Variants in SLC24A2 observed in about 807,000 individuals in gnomAD.
SLC24A2 encodes solute carrier family 24 member 2.
Under a neutral mutation model 62.0 loss-of-function variants are expected in SLC24A2, and 36 were observed. That is an observed-to-expected ratio of 0.58 (90% CI 0.44 to 0.77). The LOEUF (loss-of-function observed/expected upper bound fraction) is 0.77, where lower values mean the gene tolerates loss of function less well. Ranked by LOEUF, SLC24A2 falls within the 30% of genes least tolerant of loss-of-function variation. The pLI, the probability that SLC24A2 is intolerant of heterozygous loss-of-function variation, is 0.00. For missense variants in SLC24A2, 846 were observed against 817.9 expected (o/e 1.03, Z -0.42); for synonymous variants, 358 against 294.0 (o/e 1.22, Z -2.23).
At chr9:19,796,278 A>G in the SLC24A2 span, among the ~76,000 whole-genome samples, 1 of 152,214 alleles carries the variant, frequency 6.6e-6, no homozygotes, top group South Asian at 2.1e-4. Context: ...TAAAAAAAAA[A>G]AATCAGTTGA....
chr9:19,765,290 G>A lies in SLC24A2; in HGVS notation c.930+20647C>T, dbSNP rs533308452. 4.0e-4 allele frequency among the ~76,000 whole-genome samples: 61 copies of A among 151,368 alleles called. No individual in the cohort carries two copies. In the South Asian group the frequency reaches 5.8e-3, roughly 14 times the overall value. On this transcript the variant is annotated intron_variant, in intron 2 of 10. Transcript: ENST00000341998. ...GCCTTTTAATTGGGGAATTTAGCCC[G>A]TTTACATTTAAGGTTAATATTGTTA...
At chr9:20,098,403 A>C in the SLC24A2 span, among the ~76,000 whole-genome samples, 1,926 of 152,316 alleles carry the variant, frequency 0.013, 33 homozygotes, top group African/African-American at 0.044. Context: ...ATTTCAAAGA[A>C]ATAGAATCAA....
intron 2 of SLC24A2, among the ~76,000 whole-genome samples, chr9:19,685,193 C>T (rs112870301): frequency 0.028 from 4,195 of 152,118 alleles, 113 homozygotes; most frequent in East Asian, 0.091. Context: ...CCTAGGAACA[C>T]AGCTAACCAG....
At chr9:19,780,170 G>C (rs1047218879) in intron 2 of SLC24A2, among the ~76,000 whole-genome samples, 1 of 152,190 alleles carries the variant, frequency 6.6e-6, no homozygotes, top group South Asian at 2.1e-4. Context: ...TGGTGACTGA[G>C]TAATTTTCTA....
chr9:20,267,562 AG>A, the SLC24A2 span, among the ~76,000 whole-genome samples: 1 of 152,194 alleles, frequency 6.6e-6, no homozygotes, highest in Non-Finnish European at 1.5e-5. Flanking sequence ...ATAGGCGCTC[AG>A]GGAAGACTCT....
At chr9:19,851,019 A>T in the SLC24A2 span, among the ~76,000 whole-genome samples, 23 of 61,566 alleles carry the variant, frequency 3.7e-4, no homozygotes, top group Non-Finnish European at 5.9e-4. Flanking sequence ...ATATATATAT[A>T]TATACATATT....
At position 19,786,535 on chromosome 9, in the gene SLC24A2, T is replaced by C. The variant is rs763092561; in HGVS notation, c.332A>G (p.Asn111Ser). 3.7e-6 allele frequency: 6 copies of C among 1,614,218 alleles called. No homozygotes were observed. In the South Asian group the frequency reaches 4.4e-5, roughly 12 times the overall value. The change falls in exon 2 of 11, where the codon AAT becomes AGT. Residue 111 changes from asparagine to serine, a missense_variant. Physicochemically the swap from Asn to Ser is conservative, Grantham distance 46. Transcript: ENST00000341998. This position sits in a 1 kb window ranked among gnomAD's most constrained non-coding sequence, Gnocchi z 5.0. The stretch of plus-strand genomic sequence containing the variant: ...GTCTCCTTGGGCGTGATCTGTACTA[T>C]TCTCAGACTCGCCTTCCTTAGAAAG... ...PPLSKEGESE[N>S]STDHAQGDYP...
the SLC24A2 span, among the ~76,000 whole-genome samples, chr9:20,073,944 A>G: frequency 6.8e-6 from 1 of 146,578 alleles, no homozygotes; most frequent in South Asian, 2.2e-4. Flanking sequence ...ATATATATGT[A>G]TGTATATATA....
At chr9:19,591,788 C>A (rs915176998) in intron 5 of SLC24A2, among the ~76,000 whole-genome samples, 1 of 152,306 alleles carries the variant, frequency 6.6e-6, no homozygotes, top group African/African-American at 2.4e-5. Context: ...CGAATTCTTA[C>A]ACTTGAGAGA....
At chr9:20,085,189 T>G in the SLC24A2 span, among the ~76,000 whole-genome samples, 38,986 of 151,982 alleles carry the variant, frequency 0.26, 6,298 homozygotes, top group East Asian at 0.73. Flanking sequence ...TGTAGACACA[T>G]TATCTCCCTA....
the SLC24A2 span, among the ~76,000 whole-genome samples, chr9:20,107,624 G>C: frequency 6.6e-6 from 1 of 152,098 alleles, no homozygotes; most frequent in African/African-American, 2.4e-5. Flanking sequence ...AATGGTGCTG[G>C]GAAAACTGGC....
At chr9:19,662,160 A>G (rs1261267313) in intron 2 of SLC24A2, among the ~76,000 whole-genome samples, 1 of 152,256 alleles carries the variant, frequency 6.6e-6, no homozygotes, top group Non-Finnish European at 1.5e-5. Flanking sequence ...AAGTAACAAG[A>G]AACAGGTAAA....
the SLC24A2 span, among the ~76,000 whole-genome samples, chr9:19,891,668 A>G: frequency 6.6e-6 from 1 of 152,118 alleles, no homozygotes; most frequent in African/African-American, 2.4e-5. Context: ...ATCGCTTGAG[A>G]CCAAGAGTCC....
At chr9:19,763,998 T>C (rs1344693230) in intron 2 of SLC24A2, among the ~76,000 whole-genome samples, 6 of 152,222 alleles carry the variant, frequency 3.9e-5, no homozygotes, top group African/African-American at 1.2e-4. Flanking sequence ...GAACTTGTTA[T>C]TGGTCTACTC....
At chr9:19,647,985 G>A (rs553834657) in intron 2 of SLC24A2, among the ~76,000 whole-genome samples, 2 of 152,156 alleles carry the variant, frequency 1.3e-5, no homozygotes, top group African/African-American at 4.8e-5. Context: ...AACATGTATG[G>A]AAGGCAAGAA....
the SLC24A2 span, among the ~76,000 whole-genome samples, chr9:19,982,955 CCAACATTCTTTCATG>C: frequency 6.6e-6 from 1 of 152,178 alleles, no homozygotes; most frequent in Non-Finnish European, 1.5e-5. Flanking sequence ...TTGACAAAAT[CCAACATTCTTTCATG>C]AAAAAACACT....
At chr9:19,741,296 G>C (rs1444892664) in intron 2 of SLC24A2, among the ~76,000 whole-genome samples, 2 of 152,214 alleles carry the variant, frequency 1.3e-5, no homozygotes, top group Admixed American at 6.5e-5. Flanking sequence ...AGGGGAGCTA[G>C]AGGGAAGTGG....
chr9:19,654,382 C>A (rs1437204811), intron 2 of SLC24A2, among the ~76,000 whole-genome samples: 1 of 152,120 alleles, frequency 6.6e-6, no homozygotes, highest in Non-Finnish European at 1.5e-5. Context: ...GTTCCTAAAC[C>A]ACAGCCTTTT....
At chr9:19,707,466 G>C (rs1820567404) in intron 2 of SLC24A2, among the ~76,000 whole-genome samples, 1 of 152,186 alleles carries the variant, frequency 6.6e-6, no homozygotes, top group Admixed American at 6.5e-5. Context: ...AAGAATTTTA[G>C]ACCAGTATCC....
Sources: gnomAD v4.1 joint callset for allele counts (sites outside exome capture counted in the v4.1 genomes callset) on GRCh38, gnomAD v4.1.1 for gene constraint, Gnocchi (gnomAD v3.1) non-coding constraint, MANE v1.5 for transcripts, NCBI Gene and HGNC (gene_info 2026-07-23, HGNC 2026-07-21) for gene names.